Variants in PMFBP1 observed in about 807,000 individuals in gnomAD.
PMFBP1 encodes the protein polyamine modulated factor 1 binding protein 1, also known as polyamine-modulated factor 1-binding protein 1.
PMFBP1 carries 131 observed loss-of-function variants against 137.8 expected under a neutral mutation model. The observed-to-expected ratio is 0.95, with a 90% CI of 0.82 to 1.10. PMFBP1 has a LOEUF of 1.10. PMFBP1 is among the 50% of genes least tolerant of loss of function. The probability of loss-of-function intolerance (pLI) is 0.00; values close to 1 mark genes in which losing one functional copy is unlikely to be tolerated. For missense variants in PMFBP1, 1,199 were observed against 1,175.4 expected (o/e 1.02, Z -0.29); for synonymous variants, 490 against 450.4 (o/e 1.09, Z -1.11).
chr16:72,223,519 C>A, the PMFBP1 span, among the ~76,000 whole-genome samples: 1 of 152,134 alleles, frequency 6.6e-6, no homozygotes, highest in African/African-American at 2.4e-5. Flanking sequence ...TTCCTTATGA[C>A]CAGTCAGTGG....
At chr16:72,189,062 C>CA in the PMFBP1 span, among the ~76,000 whole-genome samples, 4 of 146,468 alleles carry the variant, frequency 2.7e-5, no homozygotes, top group South Asian at 6.5e-4. Context: ...TTAGTGTTGA[C>CA]TTTTTTTTTT....
chr16:72,189,496 C>T, the PMFBP1 span, among the ~76,000 whole-genome samples: 1 of 152,194 alleles, frequency 6.6e-6, no homozygotes, highest in Non-Finnish European at 1.5e-5. Context: ...AGAAAGGGAA[C>T]TGGCAAAGAG....
the PMFBP1 span, among the ~76,000 whole-genome samples, chr16:72,186,334 C>T: frequency 6.6e-6 from 1 of 152,156 alleles, no homozygotes; most frequent in Non-Finnish European, 1.5e-5. Context: ...GGATCACTTT[C>T]TATTCAAATA....
At chr16:72,131,074 T>G (rs1401115506) in intron 10 of PMFBP1, among the ~76,000 whole-genome samples, 1 of 152,158 alleles carries the variant, frequency 6.6e-6, no homozygotes, top group African/African-American at 2.4e-5. Flanking sequence ...CATGTTAAAC[T>G]CGCACCAACT....
At chr16:72,141,824 T>C (rs1464230068) in intron 5 of PMFBP1, among the ~76,000 whole-genome samples, 1 of 152,134 alleles carries the variant, frequency 6.6e-6, no homozygotes, top group Admixed American at 6.5e-5. Flanking sequence ...TATTTAAAAT[T>C]GGATATTGTA....
the PMFBP1 span, among the ~76,000 whole-genome samples, chr16:72,210,726 A>C: frequency 2.6e-5 from 4 of 152,230 alleles, no homozygotes; most frequent in African/African-American, 7.2e-5. Context: ...TGAGGAAAAC[A>C]GGGGCAATTT....
chr16:72,120,000 G>A lies in PMFBP1; in HGVS notation c.2858C>T (p.Thr953Ile), dbSNP rs763731558. 4 of 1,614,128 alleles carry A rather than the reference G, an allele frequency of 2.5e-6. No individual in the cohort carries two copies. The highest frequency in any genetic ancestry group is 2.2e-5 in the East Asian group (1 of 44,872). Residue 953 changes from threonine (T) to isoleucine (I), a missense_variant, in exon 20 of 21, where the codon ACA becomes ATA. By Grantham distance (89) the Thr-to-Ile change is moderately conservative. Transcript: ENST00000237353. ...GCCTAGGGCTTTGGTGCATAGCCTT[G>A]TGTTCTCGGCTTTCATCTTCTTCTC... ...IEEKKMKAEN[T>I]RLCTKALGPS... is the part of the protein sequence containing the mutation.
At chr16:72,202,176 C>T in the PMFBP1 span, among the ~76,000 whole-genome samples, 6 of 152,104 alleles carry the variant, frequency 3.9e-5, no homozygotes, top group South Asian at 1.2e-3. Flanking sequence ...GGAGCTGGAT[C>T]TTAAAGGACA....
the PMFBP1 span, among the ~76,000 whole-genome samples, chr16:72,198,229 G>A: frequency 6.6e-6 from 1 of 152,172 alleles, no homozygotes; most frequent in Non-Finnish European, 1.5e-5. Context: ...AGCAGAGAGT[G>A]CTCAGTAATA....
chr16:72,214,033 T>C, the PMFBP1 span, among the ~76,000 whole-genome samples: 109 of 152,310 alleles, frequency 7.2e-4, no homozygotes, highest in African/African-American at 2.5e-3. Flanking sequence ...CACTGAATAA[T>C]TTTTAACATC....
chr16:72,189,254 A>T, the PMFBP1 span, among the ~76,000 whole-genome samples: 1 of 152,194 alleles, frequency 6.6e-6, no homozygotes, highest in East Asian at 1.9e-4. Flanking sequence ...CAGCTCATCA[A>T]TGCAGAACCA....
chr16:72,135,740 GTTTTTTTTT>G (rs869189990), intron 9 of PMFBP1, among the ~76,000 whole-genome samples: 1 of 66,816 alleles, frequency 1.5e-5, no homozygotes, highest in Admixed American at 2.4e-4. Context: ...TAATTTTTCT[GTTTTTTTTT>G]TTTTTTTTTT....
intron 2 of PMFBP1, among the ~76,000 whole-genome samples, chr16:72,170,049 A>G (rs140458863): frequency 2.0e-5 from 3 of 152,194 alleles, no homozygotes; most frequent in Admixed American, 2.0e-4. Flanking sequence ...TTTCACTATC[A>G]TATCATTTGA....
At chr16:72,223,579 A>G in the PMFBP1 span, among the ~76,000 whole-genome samples, 7 of 152,230 alleles carry the variant, frequency 4.6e-5, no homozygotes, top group Admixed American at 1.3e-4. Flanking sequence ...GGACCAAGGC[A>G]AAGTTTGAAA....
In PMFBP1 at chr16:72,139,391, C is replaced by T. The variant is rs1567628571; in HGVS notation, c.816G>A (p.Glu272=). The T allele has an allele frequency of 6.2e-7, 1 of 1,613,250 alleles. No individual in the cohort carries two copies. The highest frequency in any genetic ancestry group is 1.1e-5 in the South Asian group (1 of 90,920). The change falls in exon 7 of 21, where the codon GAG becomes GAA. Residue 272 remains glutamate, a synonymous_variant. Transcript: ENST00000237353. ...GTAGTTTTATCAAAGCCTTTTCACG[C>T]TCCAGAACCTGCAAATAAGCTTAGA... ...KLACSNALVL[E]REKALIKLQA... is the part of the protein sequence containing the mutation.
At chr16:72,222,051 A>C in the PMFBP1 span, among the ~76,000 whole-genome samples, 22 of 152,350 alleles carry the variant, frequency 1.4e-4, no homozygotes, top group South Asian at 4.6e-3. Flanking sequence ...GTTGAAACTG[A>C]AGCTCAAAGT....
chr16:72,246,108 G>A, the PMFBP1 span, among the ~76,000 whole-genome samples: 1 of 152,190 alleles, frequency 6.6e-6, no homozygotes, highest in Non-Finnish European at 1.5e-5. Context: ...ATTACAGTTT[G>A]CCAGATTCAC....
intron 17 of PMFBP1, among the ~76,000 whole-genome samples, chr16:72,124,025 T>G (rs550574118): frequency 5.3e-5 from 8 of 152,264 alleles, no homozygotes; most frequent in African/African-American, 1.9e-4. Flanking sequence ...TCTCTCTTCT[T>G]TTTTTTGACA....
chr16:72,154,062 G>A, intron 4 of PMFBP1, 149 bp downstream of exon 4: 10 of 1,081,614 alleles, frequency 9.2e-6, no homozygotes, highest in Non-Finnish European at 1.3e-5. Context: ...GCTTCAAAAA[G>A]ATCAAGAATT....
Sources: allele counts gnomAD v4.1 joint callset (sites outside exome capture counted in the v4.1 genomes callset), GRCh38; gene constraint gnomAD v4.1.1; transcripts MANE v1.5; gene names NCBI Gene and HGNC (gene_info 2026-07-23, HGNC 2026-07-21).